The following TBC1D9 variants were observed in gnomAD, a reference collection of about 807,000 sequenced individuals.
The protein encoded by TBC1D9 is TBC1 domain family member 9A.
A neutral mutation model predicts 132.0 loss-of-function variants in TBC1D9; 63 were observed. The observed-to-expected ratio is 0.48, with a 90% CI of 0.39 to 0.59. TBC1D9 has a LOEUF of 0.59. TBC1D9 is among the 20% of genes least tolerant of loss of function. The probability of loss-of-function intolerance (pLI) is 0.00; values close to 1 mark genes in which losing one functional copy is unlikely to be tolerated. For synonymous variants in TBC1D9, 610 were observed against 609.9 expected (o/e 1.00, Z 0.00); for missense variants, 1,261 against 1,592.7 (o/e 0.79, Z 3.54).
chr4:140,713,007 C>T (rs1738274925), intron 1 of TBC1D9, among the ~76,000 whole-genome samples: 1 of 152,162 alleles, frequency 6.6e-6, no homozygotes, highest in Admixed American at 6.5e-5. Flanking sequence ...TATATACCTT[C>T]TAAGCTATAT....
intron 18 of TBC1D9, 26 bp downstream of exon 18, chr4:140,627,415 T>C (rs3816933): frequency 0.16 from 226,508 of 1,427,888 alleles, 21,933 homozygotes; most frequent in African/African-American, 0.46. Flanking sequence ...ACAAATATAG[T>C]ATCTTTGGTG....
chr4:140,731,266 T>C (rs972255796), intron 1 of TBC1D9, among the ~76,000 whole-genome samples: 13 of 152,202 alleles, frequency 8.5e-5, no homozygotes, highest in African/African-American at 3.1e-4. Context: ...GAAGAGAGCA[T>C]GTGTAAGGCA....
rs970937287 is a variant in TBC1D9 at position 140,639,267 on chromosome 4, A to C, written c.2436+63T>G. 3.4e-6 allele frequency: 5 copies of C among 1,483,340 alleles called. No individual in the cohort carries two copies. The African/African-American group carries it at 4.2e-5, about 12-fold the overall frequency. 91.9% of individuals were successfully genotyped at this position (1,483,340 alleles called of 1,614,324 possible). ...TCAGTTCTGTCAGGCAGGAATCCAC[A>C]GCCAGCAGGAGTGTGAAGAAGGAAG... On this transcript the variant is annotated intron_variant, in intron 14 of 20. Transcript: ENST00000442267.
Position 140,657,517 on chromosome 4 carries a change from A to G in TBC1D9, c.2207+10T>C. ...GGAGATGGTTTTCAAAGTTAGGCTTAGTACAATACCTTCCCAAAACGGTCA... is the reference window on the plus strand; with the variant it reads ...GGAGATGGTTTTCAAAGTTAGGCTTGGTACAATACCTTCCCAAAACGGTCA... On this transcript the variant is annotated intron_variant, in intron 12 of 20. Coordinates refer to ENST00000442267, the MANE Select transcript of TBC1D9 (RefSeq NM_015130.3). The G allele has an allele frequency of 6.2e-7, 1 of 1,606,336 alleles. No individual in the cohort carries two copies.
rs918828571 is a variant in TBC1D9, at chr4:140,643,638, A to T, written c.2338-4210T>A. On this transcript the variant is annotated intron_variant, in intron 13 of 20. Coordinates refer to ENST00000442267, the MANE Select transcript of TBC1D9 (RefSeq NM_015130.3). ...CTCTGCCGCAGGAACCGCCACAGGC[A>T]CCTCCACTGGCTCCTCCTTGGCCTC... The T allele has an allele frequency of 8.8e-6, 9 of 1,026,596 alleles. No individual in the cohort carries two copies. In the Admixed American group the frequency reaches 1.9e-4, roughly 21 times the overall value. The allele number at this position is 1,026,596 out of a possible 1,614,324, so 63.6% of individuals were successfully genotyped here.
intron 20 of TBC1D9, 93 bp downstream of exon 20, chr4:140,624,023 T>C: frequency 1.0e-6 from 1 of 955,092 alleles, no homozygotes; most frequent in Non-Finnish European, 1.5e-6. Context: ...TTATTTTTGA[T>C]GGGTATTGAG....
intron 1 of TBC1D9, among the ~76,000 whole-genome samples, chr4:140,709,026 T>C (rs1453143181): frequency 6.6e-6 from 1 of 152,096 alleles, no homozygotes; most frequent in Non-Finnish European, 1.5e-5. Flanking sequence ...CATACATTCT[T>C]CCACTCTCCA....
At chr4:140,741,469 C>T (rs1294780239) in intron 1 of TBC1D9, among the ~76,000 whole-genome samples, 1 of 152,140 alleles carries the variant, frequency 6.6e-6, no homozygotes. Context: ...GTAATCCCAG[C>T]AATTTGGGAG....
At chr4:140,643,789 T>C in intron 13 of TBC1D9, 1 of 866,750 alleles carries the variant, frequency 1.2e-6, no homozygotes, top group Non-Finnish European at 1.8e-6. Flanking sequence ...GAGGGCTCGG[T>C]GCAGCCCTGC....
intron 1 of TBC1D9, among the ~76,000 whole-genome samples, chr4:140,710,155 T>C (rs1051449647): frequency 3.3e-5 from 5 of 152,120 alleles, no homozygotes; most frequent in Non-Finnish European, 7.4e-5. Context: ...TGCAAACCAA[T>C]ATAAAACTCA....
chr4:140,724,716 T>C (rs1738472882), intron 1 of TBC1D9, among the ~76,000 whole-genome samples: 1 of 149,102 alleles, frequency 6.7e-6, no homozygotes, highest in East Asian at 1.9e-4. Context: ...CCTAAATTGG[T>C]CAATAAGAAA....
intron 1 of TBC1D9, among the ~76,000 whole-genome samples, chr4:140,734,520 G>A (rs1565098): frequency 0.29 from 43,494 of 152,084 alleles, 7,363 homozygotes; most frequent in South Asian, 0.43. Flanking sequence ...GGCCAGGTGC[G>A]GTGGCTCACT....
intron 13 of TBC1D9, chr4:140,642,514 G>T: frequency 8.6e-7 from 1 of 1,160,364 alleles, no homozygotes. Flanking sequence ...AAACTTGAAG[G>T]GTGACTTCAA....
intron 18 of TBC1D9, among the ~76,000 whole-genome samples, 181 bp downstream of exon 18, chr4:140,627,260 G>A (rs1315636595): frequency 1.3e-5 from 2 of 152,204 alleles, no homozygotes; most frequent in Non-Finnish European, 2.9e-5. Flanking sequence ...CCTTCAGTGG[G>A]CTGAGGTACC....
At position 140,669,717 on chromosome 4, in the gene TBC1D9, T is replaced by C; in HGVS notation, c.1354A>G (p.Asn452Asp). 3.7e-6 allele frequency: 6 copies of C among 1,613,918 alleles called. No individual in the cohort carries two copies. The highest frequency in any genetic ancestry group is 5.1e-6 in the Non-Finnish European group (6 of 1,179,866). ...DADGERQFNL[N>D]GNSVPTATQT... ...GTGGCTGTGGGGACGCTGTTGCCAT[T>C]TAGGTTAAACTGGCGCTCTCCATCA... The change falls in exon 8 of 21, where the codon AAT (asparagine) becomes GAT (aspartate). Residue 452 changes from asparagine (N) to aspartate (D), a missense_variant. Around this residue, in one of 3 missense-constraint regions of TBC1D9, gnomAD observed 550 missense variants for 699.0 expected, o/e 0.79. Transcript: ENST00000442267.
chr4:140,714,311 G>T (rs112696931), intron 1 of TBC1D9, among the ~76,000 whole-genome samples: 2,586 of 152,256 alleles, frequency 0.017, 65 homozygotes, highest in African/African-American at 0.053. Flanking sequence ...TTGCAGCTTG[G>T]TTTTATATGT....
intron 1 of TBC1D9, among the ~76,000 whole-genome samples, chr4:140,747,090 G>A (rs1361441589): frequency 6.6e-6 from 1 of 152,048 alleles, no homozygotes; most frequent in Non-Finnish European, 1.5e-5. Context: ...GCTCATGCCT[G>A]TAATCCCAGC....
In TBC1D9 at chr4:140,721,684, A is replaced by C. The variant is rs529143639; in HGVS notation, c.131-20070T>G. ...CCATTTTCATTATTTTTAGCTGATAATCTATAACAATTTCAGTATTCTCCG... is the reference window on the plus strand; with the variant it reads ...CCATTTTCATTATTTTTAGCTGATACTCTATAACAATTTCAGTATTCTCCG... On this transcript the variant is annotated intron_variant, in intron 1 of 20. Transcript: ENST00000442267. Among the ~76,000 whole-genome samples the C allele has an allele frequency of 7.2e-5, 11 of 152,288 alleles. No individual in the cohort carries two copies. The South Asian group carries it at 1.9e-3, about 26-fold the overall frequency.
chr4:140,638,298 G>A (rs1209962108), intron 15 of TBC1D9, among the ~76,000 whole-genome samples: 1 of 152,088 alleles, frequency 6.6e-6, no homozygotes, highest in Non-Finnish European at 1.5e-5. Flanking sequence ...TGATGCTGAT[G>A]ATACCTATGA....
Sources: gnomAD v4.1 joint callset for allele counts (sites outside exome capture counted in the v4.1 genomes callset) on GRCh38, gnomAD v4.1.1 for gene constraint, gnomAD v4.1.1 regional missense constraint, MANE v1.5 for transcripts, NCBI Gene and HGNC (gene_info 2026-07-23, HGNC 2026-07-21) for gene names.